The following ANKS4B variants were observed in gnomAD, a reference collection of about 807,000 sequenced individuals.
ANKS4B encodes ankyrin repeat and sterile alpha motif domain containing 4B, also known as ankyrin repeat and SAM domain-containing protein 4B.
A neutral mutation model predicts 20.2 loss-of-function variants in ANKS4B; 21 were observed. The observed-to-expected ratio is 1.04, with a 90% CI of 0.74 to 1.50. The LOEUF is 1.50. Ranked by LOEUF, ANKS4B falls within the 40% of genes most tolerant of loss-of-function variation. The pLI, the probability that ANKS4B is intolerant of heterozygous loss-of-function variation, is 0.00. For missense variants in ANKS4B, 473 were observed against 494.6 expected (o/e 0.96, Z 0.41); for synonymous variants, 179 against 194.5 (o/e 0.92, Z 0.66).
chr16:21,245,531 C>T (rs9302394), intron 1 of ANKS4B, among the ~76,000 whole-genome samples: 42,033 of 151,770 alleles, frequency 0.28, 6,046 homozygotes, highest in Middle Eastern at 0.39. Flanking sequence ...TGGAGTGCGG[C>T]GGCGCAATCT....
intron 1 of ANKS4B, among the ~76,000 whole-genome samples, chr16:21,247,070 C>G (rs1224543589): frequency 7.2e-6 from 1 of 139,290 alleles, no homozygotes; most frequent in Admixed American, 7.2e-5. Context: ...TTTTGGTTTG[C>G]TTTTTTTTTT....
intron 1 of ANKS4B, among the ~76,000 whole-genome samples, chr16:21,246,941 C>T (rs935026056): frequency 6.6e-6 from 1 of 152,166 alleles, no homozygotes; most frequent in Non-Finnish European, 1.5e-5. Context: ...GGACCCTGGT[C>T]GGATCACACT....
intron 1 of ANKS4B, 48 bp from the exon 2 acceptor site, chr16:21,249,683 A>G (rs1338316172): frequency 6.5e-7 from 1 of 1,535,818 alleles, no homozygotes; most frequent in Non-Finnish European, 8.8e-7. Context: ...GCCTGCGTTC[A>G]GAGAAAAAAA....
rs1186395951 is a variant in ANKS4B, at chr16:21,249,605, T to C, written c.165-126T>C. 2 of 1,118,554 alleles carry C rather than the reference T, an allele frequency of 1.8e-6. 1 individual carries two copies. The highest frequency in any genetic ancestry group is 5.1e-5 in the East Asian group (2 of 39,146). The allele number at this position is 1,118,554 out of a possible 1,614,324, so 69.3% of individuals were successfully genotyped here. ...TTGCAGCCAGTATCTTATAACAATG[T>C]CAAGTCAGGATGAACATGTTTGTAT... On this transcript the variant is annotated intron_variant, in intron 1 of 1. Coordinates refer to ENST00000311620, the MANE Select transcript of ANKS4B (RefSeq NM_145865.3).
At chr16:21,243,503 T>C (rs1239957409) in intron 1 of ANKS4B, among the ~76,000 whole-genome samples, 3 of 152,202 alleles carry the variant, frequency 2.0e-5, no homozygotes, top group Non-Finnish European at 2.9e-5. Flanking sequence ...CTGTAGAAAA[T>C]ATTTCCATTT....
In ANKS4B at chr16:21,251,000, A is replaced by C; in HGVS notation, c.*180A>C. 1 of 734,832 alleles carries C rather than the reference A, an allele frequency of 1.4e-6. No homozygotes were observed. Among genetic ancestry groups the C allele is most frequent in the South Asian group, 3.8e-5 (1 of 26,082 alleles). The allele number at this position is 734,832 out of a possible 1,614,324, so 45.5% of individuals were successfully genotyped here. A position where few individuals can be genotyped will look rare whatever the true frequency, so the allele number is the denominator to read the frequency against. ...GAGGTAGGCTATGCCCATCCAAATA[A>C]ATCTCCATGAGAAACTTGAGGAGAC... On this transcript the variant is annotated 3_prime_UTR_variant, in exon 2 of 2. Coordinates refer to ENST00000311620, the MANE Select transcript of ANKS4B (RefSeq NM_145865.3).
chr16:21,241,799 TAAGTC>T (rs1315992799), intron 1 of ANKS4B, among the ~76,000 whole-genome samples: 1 of 152,214 alleles, frequency 6.6e-6, no homozygotes, highest in Non-Finnish European at 1.5e-5. Flanking sequence ...ATTGTGGAAT[TAAGTC>T]AAGCTAATTG....
At chr16:21,234,771 C>T (rs574176628) in intron 1 of ANKS4B, among the ~76,000 whole-genome samples, 1 of 152,250 alleles carries the variant, frequency 6.6e-6, no homozygotes, top group South Asian at 2.1e-4. Context: ...CTGTGATCAA[C>T]AAGACAGCCA....
Position 21,249,961 on chromosome 16 carries a change from T to C in ANKS4B, c.395T>C (p.Val132Ala), listed in dbSNP as rs905520997. Residue 132 changes from valine to alanine, a missense_variant, in exon 2 of 2, where the codon GTC becomes GCC. Val to Ala is a moderately conservative substitution (Grantham distance 64). Coordinates refer to ENST00000311620, the MANE Select transcript of ANKS4B (RefSeq NM_145865.3). ...CAGAACATCATGAACCCCAAGAAGG[T>C]CACCAGGCTGAAGGAGCAGGCTCAG... ...TAQNIMNPKKVTRLKEQAQKN... is the reference protein window; with the variant it reads ...TAQNIMNPKKATRLKEQAQKN... 4.3e-6 allele frequency: 7 copies of C among 1,613,940 alleles called. No homozygotes were observed. The African/African-American group carries it at 6.7e-5, about 15-fold the overall frequency.
chr16:21,236,607 C>T (rs1016498623), intron 1 of ANKS4B, among the ~76,000 whole-genome samples: 5 of 152,114 alleles, frequency 3.3e-5, no homozygotes, highest in South Asian at 2.1e-4. Context: ...GACAGGGCCT[C>T]GCTTTGTTGC....
chr16:21,249,869 A>C lies in ANKS4B; in HGVS notation c.303A>C (p.Pro101=), dbSNP rs769118112. The change falls in exon 2 of 2, where the codon CCA becomes CCC. Residue 101 remains proline (P), a synonymous_variant. Transcript: ENST00000311620. ...IFALDNDLQT[P]LDAAASREQN... ...CCCTGGATAATGACTTACAGACTCCACTGGATGCTGCTGCCAGCAGGGAGC... is the reference window on the plus strand; with the variant it reads ...CCCTGGATAATGACTTACAGACTCCCCTGGATGCTGCTGCCAGCAGGGAGC... The C allele has an allele frequency of 1.2e-5, 20 of 1,613,974 alleles. No individual in the cohort carries two copies. In the South Asian group the frequency reaches 2.1e-4, roughly 17 times the overall value.
chr16:21,243,598 G>A (rs983437729), intron 1 of ANKS4B, among the ~76,000 whole-genome samples: 1 of 152,160 alleles, frequency 6.6e-6, no homozygotes, highest in African/African-American at 2.4e-5. Flanking sequence ...TTGAGACGGA[G>A]TCTTGCTCTG....
chr16:21,235,039 G>C lies in ANKS4B; in HGVS notation c.164+1138G>C, dbSNP rs369234048. 1.6e-4 allele frequency among the ~76,000 whole-genome samples: 25 copies of C among 152,202 alleles called. No individual in the cohort carries two copies. In the East Asian group the frequency reaches 3.3e-3, roughly 20 times the overall value. ...ATTTTTGTACTTTTTGTAGTGATGG[G>C]GTTTTGCCATGTTGCCCAGGATGGT... On this transcript the variant is annotated intron_variant, in intron 1 of 1. Transcript: ENST00000311620.
chr16:21,242,531 T>C (rs926573856), intron 1 of ANKS4B, among the ~76,000 whole-genome samples: 5 of 152,222 alleles, frequency 3.3e-5, no homozygotes, highest in Admixed American at 6.5e-5. Flanking sequence ...GATCATGTGG[T>C]ATTCGTCTTT....
rs1461195237 is a variant in ANKS4B, at chr16:21,251,681, T to C, written c.*861T>C. On this transcript the variant is annotated 3_prime_UTR_variant, in exon 2 of 2. Transcript: ENST00000311620. ...ACCCTTTAACAAATGTGTACATGTT[T>C]ACAAGTAATGGAAATGCGTCTATAA... 1 of 152,186 alleles carries C rather than the reference T, an allele frequency of 6.6e-6. No individual in the cohort carries two copies. The highest frequency in any genetic ancestry group is 1.9e-4 in the East Asian group (1 of 5,198). 9.4% of individuals were successfully genotyped at this position (152,186 alleles called of 1,614,324 possible).
chr16:21,235,028 T>G (rs1340158419), intron 1 of ANKS4B, among the ~76,000 whole-genome samples: 2 of 152,118 alleles, frequency 1.3e-5, no homozygotes, highest in Non-Finnish European at 2.9e-5. Flanking sequence ...TTGTACTTTT[T>G]GTAGTGATGG....
rs377207275 is a variant in ANKS4B, at chr16:21,250,013, G to C, written c.447G>C (p.Glu149Asp). Reference sequence around the variant, plus strand: ...AGAATGCCAGGAGGCAGATCAAAGAGTGTGAGAGGCTCCAGGAGAAGCACC... The same window carrying C: ...AGAATGCCAGGAGGCAGATCAAAGACTGTGAGAGGCTCCAGGAGAAGCACC... The part of the protein sequence containing the change: ...AQKNARRQIK[E>D]CERLQEKHQN... The change falls in exon 2 of 2, where the codon GAG (glutamate) becomes GAC (aspartate). Residue 149 changes from glutamate to aspartate, a missense_variant. Transcript: ENST00000311620. 1 of 1,614,086 alleles carries C rather than the reference G, an allele frequency of 6.2e-7. No individual in the cohort carries two copies. Among genetic ancestry groups the C allele is most frequent in the African/African-American group, 1.3e-5 (1 of 74,930 alleles).
At chr16:21,241,681 G>C (rs1479540262) in intron 1 of ANKS4B, among the ~76,000 whole-genome samples, 1 of 152,058 alleles carries the variant, frequency 6.6e-6, no homozygotes, top group East Asian at 1.9e-4. Context: ...CAAAGTGCTA[G>C]GATTATAGGC....
Position 21,249,730 on chromosome 16 carries a change from G to C in ANKS4B, c.165-1G>C, listed in dbSNP as rs1465341715. 1 of 1,604,452 alleles carries C rather than the reference G, an allele frequency of 6.2e-7. No homozygotes were observed. The highest frequency in any genetic ancestry group is 1.3e-5 in the African/African-American group (1 of 74,658). On this transcript the variant is annotated splice_acceptor_variant, in intron 1 of 1. Coordinates refer to ENST00000311620, the MANE Select transcript of ANKS4B (RefSeq NM_145865.3). LOFTEE classifies it high-confidence loss of function. ...ATTTTTTTTCTCTCTCTCTCTTCTA[G>C]AGGGGACCCTGATAGGTGTGACATC...
Sources: gnomAD v4.1 joint callset for allele counts (sites outside exome capture counted in the v4.1 genomes callset) on GRCh38, gnomAD v4.1.1 for gene constraint, MANE v1.5 for transcripts, NCBI Gene and HGNC (gene_info 2026-07-23, HGNC 2026-07-21) for gene names.